HPSE2: variants seen among roughly 807,000 people sequenced by gnomAD.
HPSE2 encodes the protein inactive heparanase-2.
HPSE2 carries 38 observed loss-of-function variants against 60.5 expected under a neutral mutation model. The observed-to-expected ratio is 0.63, with a 90% CI of 0.48 to 0.82. The LOEUF is 0.82. Ranked by LOEUF, HPSE2 falls within the 40% of genes least tolerant of loss-of-function variation. The pLI, the probability that HPSE2 is intolerant of heterozygous loss-of-function variation, is 0.00. For missense variants in HPSE2, 713 were observed against 740.4 expected, an observed-to-expected ratio of 0.96 and a Z score of 0.43; for synonymous variants, 295 against 293.2, an observed-to-expected ratio of 1.01 and a Z score of -0.06.
intron 11 of HPSE2, among the ~76,000 whole-genome samples, chr10:98,473,378 A>G (rs1940859622): frequency 6.6e-6 from 1 of 151,088 alleles, no homozygotes. Context: ...CCAGCTACTC[A>G]GGAGGCTGAG....
At chr10:98,647,568 G>A (rs867459315) in intron 6 of HPSE2, among the ~76,000 whole-genome samples, 6 of 152,182 alleles carry the variant, frequency 3.9e-5, no homozygotes, top group Middle Eastern at 3.2e-3. Flanking sequence ...TGAAGGGGGA[G>A]AAGCTTGGAT....
At chr10:98,716,601 T>C (rs955413005) in intron 5 of HPSE2, among the ~76,000 whole-genome samples, 3 of 152,076 alleles carry the variant, frequency 2.0e-5, no homozygotes, top group Non-Finnish European at 4.4e-5. Context: ...TCACTATCTA[T>C]GGCAGCTATG....
chr10:99,186,131 C>CACACACACACACAT lies in HPSE2; in HGVS notation c.449-41733_449-41732insATGTGTGTGTGTGT, dbSNP rs57779946. 8.0e-4 allele frequency among the ~76,000 whole-genome samples: 120 copies of CACACACACACACAT among 149,484 alleles called. 1 individual carries two copies. The highest frequency in any genetic ancestry group is 3.9e-3 in the East Asian group (20 of 5,106). Reference sequence around the variant, plus strand: ...ACACACACACACACACACACACACACACACACACACACACACACACACAAG... The same window carrying CACACACACACACAT: ...ACACACACACACACACACACACACACACACACACACACATACACACACACACACACACACACAAG... On this transcript the variant is annotated intron_variant, in intron 2 of 11. Coordinates refer to ENST00000370552, the MANE Select transcript of HPSE2 (RefSeq NM_021828.5).
At chr10:98,609,067 G>T (rs1475724158) in intron 9 of HPSE2, among the ~76,000 whole-genome samples, 1 of 152,180 alleles carries the variant, frequency 6.6e-6, no homozygotes, top group African/African-American at 2.4e-5. Context: ...CTGTTTGGAA[G>T]CTCCTCCCCA....
At chr10:98,868,990 C>G (rs1446265553) in intron 3 of HPSE2, among the ~76,000 whole-genome samples, 2 of 151,586 alleles carry the variant, frequency 1.3e-5, no homozygotes, top group Non-Finnish European at 2.9e-5. Context: ...TTTGTGGTGC[C>G]CAATTGCATG....
At chr10:99,123,428 G>A (rs865775871) in intron 3 of HPSE2, among the ~76,000 whole-genome samples, 1 of 152,098 alleles carries the variant, frequency 6.6e-6, no homozygotes, top group African/African-American at 2.4e-5. Context: ...AACTTTAAAA[G>A]AACACTAAAG....
chr10:98,502,859 A>C (rs1168765771), intron 9 of HPSE2, among the ~76,000 whole-genome samples: 1 of 152,236 alleles, frequency 6.6e-6, no homozygotes, highest in African/African-American at 2.4e-5. Flanking sequence ...AAGTGGGCTA[A>C]GGACATGAAT....
intron 3 of HPSE2, among the ~76,000 whole-genome samples, chr10:98,976,888 A>C (rs1317050240): frequency 6.6e-6 from 1 of 152,178 alleles, no homozygotes; most frequent in Non-Finnish European, 1.5e-5. Context: ...ATCCAATAAC[A>C]AGTATCCTTA....
At chr10:98,706,777 G>A (rs1393487563) in intron 5 of HPSE2, among the ~76,000 whole-genome samples, 2 of 152,134 alleles carry the variant, frequency 1.3e-5, no homozygotes, top group African/African-American at 4.8e-5. Context: ...TAAGGGAATG[G>A]CAGGAGGTCA....
intron 3 of HPSE2, among the ~76,000 whole-genome samples, chr10:99,105,462 T>C (rs1338214803): frequency 6.6e-6 from 1 of 152,050 alleles, no homozygotes. Flanking sequence ...GTTTTCTGTC[T>C]CTTTTTAATT....
At chr10:98,809,953 G>A (rs867483045) in intron 3 of HPSE2, among the ~76,000 whole-genome samples, 1 of 152,062 alleles carries the variant, frequency 6.6e-6, no homozygotes, top group Non-Finnish European at 1.5e-5. Flanking sequence ...ACAGATGGCG[G>A]AAAACCATAG....
the HPSE2 span, among the ~76,000 whole-genome samples, chr10:99,260,728 T>G: frequency 1.3e-5 from 2 of 152,208 alleles, no homozygotes; most frequent in East Asian, 3.9e-4. Context: ...GCAAGTCAAC[T>G]TTGGGGACAC....
intron 11 of HPSE2, among the ~76,000 whole-genome samples, chr10:98,473,530 G>GAA (rs1940872800): frequency 7.6e-6 from 1 of 130,798 alleles, no homozygotes; most frequent in Admixed American, 7.4e-5. Context: ...GAAAGAGAGA[G>GAA]AGAGAAAGAA....
At chr10:98,804,564 AT>A (rs1950997249) in intron 3 of HPSE2, among the ~76,000 whole-genome samples, 1 of 152,192 alleles carries the variant, frequency 6.6e-6, no homozygotes, top group South Asian at 2.1e-4. Context: ...AGAAATGCAA[AT>A]GAAAACTACA....
chr10:98,510,628 T>G (rs1197268701), intron 9 of HPSE2, among the ~76,000 whole-genome samples: 1 of 152,234 alleles, frequency 6.6e-6, no homozygotes, highest in Non-Finnish European at 1.5e-5. Flanking sequence ...GAAACTGCGT[T>G]GTGGCCCTGG....
intron 3 of HPSE2, among the ~76,000 whole-genome samples, chr10:98,912,373 A>G (rs1447063426): frequency 2.0e-5 from 3 of 152,190 alleles, no homozygotes; most frequent in Non-Finnish European, 2.9e-5. Flanking sequence ...TTGGCTAAAG[A>G]TTCTCCATTC....
At chr10:99,150,961 T>C (rs2135797309) in intron 2 of HPSE2, among the ~76,000 whole-genome samples, 1 of 152,156 alleles carries the variant, frequency 6.6e-6, no homozygotes, top group East Asian at 1.9e-4. Context: ...CATTGGCTGA[T>C]CACTAAGCTA....
At chr10:99,020,001 C>T (rs527900807) in intron 3 of HPSE2, among the ~76,000 whole-genome samples, 7 of 152,020 alleles carry the variant, frequency 4.6e-5, no homozygotes, top group Admixed American at 1.3e-4. Flanking sequence ...TGTGAGCCAC[C>T]GCACCGAGCC....
intron 3 of HPSE2, among the ~76,000 whole-genome samples, chr10:98,899,376 A>G (rs759961823): frequency 1.3e-5 from 2 of 152,244 alleles, no homozygotes; most frequent in Non-Finnish European, 2.9e-5. Context: ...TGAAATAACA[A>G]GTAACACAAA....
Sources: gnomAD v4.1 joint callset for allele counts (sites outside exome capture counted in the v4.1 genomes callset) on GRCh38, gnomAD v4.1.1 for gene constraint, MANE v1.5 for transcripts, NCBI Gene and HGNC (gene_info 2026-07-23, HGNC 2026-07-21) for gene names.